Variants in TAS2R1 observed in about 807,000 individuals in gnomAD.
The protein encoded by TAS2R1 is taste 2 receptor member 1, also known as taste receptor type 2 member 1.
For missense variants in TAS2R1, 370 were observed against 353.4 expected (o/e 1.05, Z -0.38); for synonymous variants, 141 against 134.2 (o/e 1.05, Z -0.35).
intron 2 of TAS2R1, among the ~76,000 whole-genome samples, chr5:9,656,256 A>G (rs1012803927): frequency 5.3e-5 from 8 of 152,210 alleles, no homozygotes; most frequent in African/African-American, 1.9e-4. Context: ...TATCAGCAAG[A>G]TTTAAGTTGT....
chr5:9,764,530 C>T, the TAS2R1 span, among the ~76,000 whole-genome samples: 3 of 152,104 alleles, frequency 2.0e-5, no homozygotes, highest in Admixed American at 6.5e-5. Context: ...GCTTACAGCT[C>T]GGATCTAGGA....
intron 2 of TAS2R1, among the ~76,000 whole-genome samples, chr5:9,644,894 T>C (rs1740158220): frequency 6.6e-6 from 1 of 152,152 alleles, no homozygotes; most frequent in Admixed American, 6.6e-5. Context: ...TTTCCTAATC[T>C]CTTTATGTAT....
the TAS2R1 span, among the ~76,000 whole-genome samples, chr5:9,816,517 T>C: frequency 3.4e-5 from 5 of 146,244 alleles, no homozygotes; most frequent in East Asian, 4.1e-4. Context: ...TGAACATAAA[T>C]TGAAAAATCT....
chr5:9,692,659 C>T (rs1007746744), intron 1 of TAS2R1, among the ~76,000 whole-genome samples: 3 of 152,184 alleles, frequency 2.0e-5, no homozygotes, highest in African/African-American at 7.2e-5. Context: ...TAATATAGGG[C>T]ATTGTCTTCA....
the TAS2R1 span, among the ~76,000 whole-genome samples, chr5:9,861,500 G>C: frequency 5.3e-5 from 8 of 152,204 alleles, no homozygotes; most frequent in African/African-American, 1.9e-4. Context: ...TATCAACATA[G>C]AGTGTTGGAA....
the TAS2R1 span, among the ~76,000 whole-genome samples, chr5:9,894,012 G>A: frequency 4.6e-5 from 7 of 152,300 alleles, no homozygotes; most frequent in Non-Finnish European, 7.3e-5. Context: ...ACCTCAGAAT[G>A]TAACTGTGTT....
the TAS2R1 span, among the ~76,000 whole-genome samples, chr5:9,766,001 T>C: frequency 2.0e-5 from 3 of 152,262 alleles, no homozygotes; most frequent in Non-Finnish European, 4.4e-5. Flanking sequence ...TGCTCTGTGA[T>C]CATACTGGGC....
intron 2 of TAS2R1, chr5:9,641,629 A>G (rs1239087816): frequency 6.6e-6 from 1 of 152,278 alleles, no homozygotes. Flanking sequence ...AAGACCCCCA[A>G]GGACATGTTC....
chr5:9,680,610 G>GA (rs1251255916), intron 1 of TAS2R1, among the ~76,000 whole-genome samples: 2 of 151,892 alleles, frequency 1.3e-5, no homozygotes, highest in African/African-American at 2.4e-5. Context: ...CTCTCATCAT[G>GA]AAAAAAATCA....
chr5:9,758,999 A>G, the TAS2R1 span, among the ~76,000 whole-genome samples: 1 of 152,232 alleles, frequency 6.6e-6, no homozygotes, highest in Non-Finnish European at 1.5e-5. Context: ...ATGGTGAACC[A>G]TATAATTTTG....
chr5:9,719,935 A>AC, the TAS2R1 span, among the ~76,000 whole-genome samples: 1 of 135,292 alleles, frequency 7.4e-6, no homozygotes, highest in Admixed American at 7.4e-5. Context: ...AAAAAAAAAA[A>AC]AAACAAAAAC....
At chr5:9,641,796 A>G (rs1740090328) in intron 2 of TAS2R1, 1 of 152,260 alleles carries the variant, frequency 6.6e-6, no homozygotes, top group South Asian at 2.1e-4. Context: ...AGGTCTTTAA[A>G]CAGTTTGTTT....
intron 2 of TAS2R1, among the ~76,000 whole-genome samples, chr5:9,650,493 C>T (rs1740282438): frequency 6.6e-6 from 1 of 152,078 alleles, no homozygotes; most frequent in Admixed American, 6.6e-5. Context: ...GGGGATTACA[C>T]AACTCTATGC....
At chr5:9,774,531 G>C in the TAS2R1 span, among the ~76,000 whole-genome samples, 1 of 152,310 alleles carries the variant, frequency 6.6e-6, no homozygotes, top group East Asian at 1.9e-4. Context: ...ATTTATTGTA[G>C]TCCTGACAAC....
chr5:9,787,677 T>C, the TAS2R1 span, among the ~76,000 whole-genome samples: 13 of 152,222 alleles, frequency 8.5e-5, no homozygotes, highest in South Asian at 8.3e-4. Context: ...ACCTAACATC[T>C]GCGTGCTAAG....
intron 2 of TAS2R1, among the ~76,000 whole-genome samples, chr5:9,653,198 G>A (rs1740340609): frequency 6.6e-6 from 1 of 152,108 alleles, no homozygotes; most frequent in South Asian, 2.1e-4. Flanking sequence ...AATCACCCAA[G>A]TTGTAACATA....
At chr5:9,750,961 G>A in the TAS2R1 span, among the ~76,000 whole-genome samples, 2 of 151,684 alleles carry the variant, frequency 1.3e-5, no homozygotes, top group African/African-American at 2.4e-5. Context: ...ACTTCAATAC[G>A]TATATGATGA....
chr5:9,902,085 C>T, the TAS2R1 span, among the ~76,000 whole-genome samples: 17 of 152,056 alleles, frequency 1.1e-4, no homozygotes, highest in African/African-American at 4.1e-4. Flanking sequence ...TTACAGTTGA[C>T]ACCTGGGGTA....
intron 1 of TAS2R1, among the ~76,000 whole-genome samples, chr5:9,701,966 A>G (rs2126526125): frequency 6.6e-6 from 1 of 152,346 alleles, no homozygotes; most frequent in Non-Finnish European, 1.5e-5. Flanking sequence ...ACTGCCCAAA[A>G]GGTCATTTTA....
Sources: allele counts gnomAD v4.1 joint callset (sites outside exome capture counted in the v4.1 genomes callset), GRCh38; gene constraint gnomAD v4.1.1; transcripts MANE v1.5; gene names NCBI Gene and HGNC (gene_info 2026-07-23, HGNC 2026-07-21).